KCNB2: variants seen among roughly 807,000 people sequenced by gnomAD.
KCNB2 encodes the protein delayed rectifier potassium channel protein.
A neutral mutation model predicts 61.5 loss-of-function variants in KCNB2; 15 were observed. That is an observed-to-expected ratio of 0.24 (90% CI 0.16 to 0.38). The LOEUF is 0.38. KCNB2 is among the 10% of genes least tolerant of loss of function. KCNB2 has a pLI of 1.00. For synonymous variants in KCNB2, 457 were observed against 446.0 expected (o/e 1.02, Z -0.31); for missense variants, 828 against 1,125.2 (o/e 0.74, Z 3.78).
chr8:72,902,939 A>C (rs7011643), intron 2 of KCNB2, among the ~76,000 whole-genome samples: 80,946 of 151,974 alleles, frequency 0.53, 22,288 homozygotes, highest in Middle Eastern at 0.69. Flanking sequence ...TTTGCTACTC[A>C]CTACCTGTAA....
intron 2 of KCNB2, among the ~76,000 whole-genome samples, chr8:72,891,157 G>T (rs1016991470): frequency 1.3e-5 from 2 of 152,138 alleles, no homozygotes; most frequent in Admixed American, 6.5e-5. Context: ...TTTGTGTTTT[G>T]TTAGAAAAAT....
At chr8:72,633,827 T>G (rs547072503) in intron 2 of KCNB2, among the ~76,000 whole-genome samples, 2 of 152,260 alleles carry the variant, frequency 1.3e-5, no homozygotes, top group African/African-American at 4.8e-5. Context: ...AGAAAACCAC[T>G]GCATACATCA....
Position 72,847,676 on chromosome 8 carries a change from C to T in KCNB2, c.580-88259C>T, listed in dbSNP as rs138687206. The stretch of plus-strand genomic sequence containing the variant: ...CCTAGGAGGCCCTGGTTTTCTGAGA[C>T]GTCATTAGAATTTCTCTATGCTCAA... On this transcript the variant is annotated intron_variant, in intron 2 of 2. Coordinates refer to ENST00000523207, the MANE Select transcript of KCNB2 (RefSeq NM_004770.3). Among the ~76,000 whole-genome samples the T allele has an allele frequency of 6.6e-3, 997 of 152,140 alleles. 7 individuals carry two copies. Among genetic ancestry groups the T allele is most frequent in the South Asian group, 9.6e-3 (46 of 4,810 alleles).
At chr8:72,931,453 T>G (rs1170005471) in intron 2 of KCNB2, among the ~76,000 whole-genome samples, 1 of 152,192 alleles carries the variant, frequency 6.6e-6, no homozygotes, top group Non-Finnish European at 1.5e-5. Flanking sequence ...TTCCATTTGT[T>G]TGTGTCCTCT....
At chr8:72,606,338 G>T (rs1312266707) in intron 2 of KCNB2, among the ~76,000 whole-genome samples, 1 of 152,108 alleles carries the variant, frequency 6.6e-6, no homozygotes. Context: ...AATGATATAT[G>T]TACATACTCA....
At chr8:72,734,775 G>A (rs1411406541) in intron 2 of KCNB2, among the ~76,000 whole-genome samples, 2 of 152,186 alleles carry the variant, frequency 1.3e-5, no homozygotes, top group Non-Finnish European at 2.9e-5. Context: ...GGTGCATGGA[G>A]CACCTCATAA....
intron 1 of KCNB2, among the ~76,000 whole-genome samples, chr8:72,538,389 A>G (rs1352809134): frequency 6.6e-6 from 1 of 152,146 alleles, no homozygotes; most frequent in African/African-American, 2.4e-5. Context: ...ACACTCTGCT[A>G]GGGGACTTGG....
intron 2 of KCNB2, among the ~76,000 whole-genome samples, chr8:72,872,573 G>A (rs1423175605): frequency 6.6e-6 from 1 of 152,178 alleles, no homozygotes; most frequent in Non-Finnish European, 1.5e-5. Flanking sequence ...AGGTTTCTGT[G>A]ACTCTAATTT....
At chr8:72,561,684 C>A in intron 1 of KCNB2, among the ~76,000 whole-genome samples, 1 of 96,682 alleles carries the variant, frequency 1.0e-5, no homozygotes, top group South Asian at 3.2e-4. Flanking sequence ...TTTCCAGGAT[C>A]TTACTTTTAT....
intron 2 of KCNB2, among the ~76,000 whole-genome samples, chr8:72,793,464 G>A (rs1210618374): frequency 6.6e-6 from 1 of 152,170 alleles, no homozygotes; most frequent in Non-Finnish European, 1.5e-5. Flanking sequence ...TGGGCTTAGT[G>A]TGCTAAAATA....
intron 2 of KCNB2, among the ~76,000 whole-genome samples, chr8:72,809,771 T>G (rs1809277741): frequency 6.6e-6 from 1 of 152,200 alleles, no homozygotes; most frequent in Non-Finnish European, 1.5e-5. Context: ...CCTTAAAATT[T>G]AGAAACAAAT....
intron 1 of KCNB2, among the ~76,000 whole-genome samples, chr8:72,559,725 A>G (rs1806484093): frequency 6.6e-6 from 1 of 152,242 alleles, no homozygotes; most frequent in African/African-American, 2.4e-5. Flanking sequence ...ACTCATCTCA[A>G]CTTCGTGTAG....
chr8:72,685,310 A>G (rs890879421), intron 2 of KCNB2, among the ~76,000 whole-genome samples: 10 of 152,054 alleles, frequency 6.6e-5, no homozygotes, highest in African/African-American at 2.4e-4. Context: ...TTTTTCTTCC[A>G]GTTCTGAAAA....
intron 2 of KCNB2, among the ~76,000 whole-genome samples, chr8:72,735,624 T>C (rs531039148): frequency 8.9e-4 from 135 of 152,308 alleles, no homozygotes; most frequent in African/African-American, 3.2e-3. Context: ...CTGTATGTTC[T>C]CTCCAGGTAT....
intron 2 of KCNB2, among the ~76,000 whole-genome samples, chr8:72,598,678 A>G (rs748981516): frequency 2.0e-5 from 3 of 152,228 alleles, no homozygotes; most frequent in Non-Finnish European, 4.4e-5. Flanking sequence ...TTTGCAGATG[A>G]CATGATTGTA....
chr8:72,811,995 C>A (rs978580284), intron 2 of KCNB2, among the ~76,000 whole-genome samples: 3 of 152,216 alleles, frequency 2.0e-5, no homozygotes. Context: ...GGCACCATGG[C>A]TCACGCCTGT....
chr8:72,570,778 G>A (rs952290675), intron 2 of KCNB2, among the ~76,000 whole-genome samples: 7 of 152,066 alleles, frequency 4.6e-5, no homozygotes, highest in Non-Finnish European at 1.0e-4. Context: ...TGGAACCTTC[G>A]TGTTTGTCCT....
At chr8:72,817,340 T>A (rs1809418048) in intron 2 of KCNB2, among the ~76,000 whole-genome samples, 1 of 152,160 alleles carries the variant, frequency 6.6e-6, no homozygotes, top group African/African-American at 2.4e-5. Flanking sequence ...GCCTCCCCTG[T>A]AGGACTGAAG....
At chr8:72,606,138 G>A (rs1805443206) in intron 2 of KCNB2, among the ~76,000 whole-genome samples, 1 of 152,102 alleles carries the variant, frequency 6.6e-6, no homozygotes, top group South Asian at 2.1e-4. Context: ...TTAGCAGTAT[G>A]TTTATATTCT....
Sources: gnomAD v4.1 joint callset for allele counts (sites outside exome capture counted in the v4.1 genomes callset) on GRCh38, gnomAD v4.1.1 for gene constraint, MANE v1.5 for transcripts, NCBI Gene and HGNC (gene_info 2026-07-23, HGNC 2026-07-21) for gene names.